VSTM2A: variants seen among roughly 807,000 people sequenced by gnomAD.
VSTM2A encodes the protein V-set and transmembrane domain containing 2A, also known as V-set and transmembrane domain-containing protein 2A.
Under a neutral mutation model 27.3 loss-of-function variants are expected in VSTM2A, and 13 were observed. That is an observed-to-expected ratio of 0.48 (90% CI 0.31 to 0.76). The LOEUF (loss-of-function observed/expected upper bound fraction) is 0.76, where lower values mean the gene tolerates loss of function less well. Ranked by LOEUF, VSTM2A falls within the 30% of genes least tolerant of loss-of-function variation. The pLI is 0.05. For missense variants in VSTM2A, 280 were observed against 310.0 expected (o/e 0.90, Z 0.73); for synonymous variants, 142 against 125.7 (o/e 1.13, Z -0.87).
rs1184883358 is a variant in VSTM2A, at chr7:54,546,679, G to GCCGGGACAGCGCCGGGACAGCC, written c.247-257_247-236dup. On this transcript the variant is annotated intron_variant, in intron 2 of 4. Transcript: ENST00000402613. ...GCAGCATCCGCGCGGCAGGGACAGC[G>GCCGGGACAGCGCCGGGACAGCC]CCGGGACAGCGCCGGGACAGCCCCG... The GCCGGGACAGCGCCGGGACAGCC allele has an allele frequency of 5.4e-5, 14 of 259,798 alleles. 1 individual carries two copies. The highest frequency in any genetic ancestry group is 2.1e-4 in the South Asian group (3 of 14,002). 16.1% of individuals were successfully genotyped at this position (259,798 alleles called of 1,614,324 possible). A position where few individuals can be genotyped will look rare whatever the true frequency, so the allele number is the denominator to read the frequency against.
At position 54,542,698 on chromosome 7, in the gene VSTM2A, G is replaced by A; in HGVS notation, c.-33G>A. 6.2e-7 allele frequency: 1 copy of A among 1,605,830 alleles called. No homozygotes were observed. Among genetic ancestry groups the A allele is most frequent in the Non-Finnish European group, 8.5e-7 (1 of 1,173,894 alleles). On this transcript the variant is annotated 5_prime_UTR_variant, in exon 1 of 5. Coordinates refer to ENST00000402613, the MANE Select transcript of VSTM2A (RefSeq NM_001301009.2). ...TTCTTTCAGGGCTTTTCGGCTGTTG[G>A]CTACACTGATGTGACCCCCCTCCCT...
chr7:54,546,892 A>T, intron 2 of VSTM2A, 55 bp from the exon 3 acceptor site: 1 of 1,587,742 alleles, frequency 6.3e-7, no homozygotes. Flanking sequence ...CTCGCGTGGG[A>T]GCGGGTGGTC....
chr7:54,567,416 T>G (rs1788757619), intron 4 of VSTM2A, among the ~76,000 whole-genome samples: 1 of 152,170 alleles, frequency 6.6e-6, no homozygotes, highest in Non-Finnish European at 1.5e-5. Context: ...TGCTTTAACT[T>G]GCACATGCTG....
Position 54,570,620 on chromosome 7 carries a change from C to T in VSTM2A, c.*1401C>T, listed in dbSNP as rs2115969954. 6.6e-6 allele frequency: 1 copy of T among 152,232 alleles called. No homozygotes were observed. The highest frequency in any genetic ancestry group is 2.1e-4 in the South Asian group (1 of 4,832). 9.4% of individuals were successfully genotyped at this position (152,232 alleles called of 1,614,324 possible). On this transcript the variant is annotated 3_prime_UTR_variant, in exon 5 of 5. Transcript: ENST00000402613. Reference sequence around the variant, plus strand: ...GAATTATAATTTTAAATATTCCATTCTTATTTATGTCTTTATGATAATTCA... The same window carrying T: ...GAATTATAATTTTAAATATTCCATTTTTATTTATGTCTTTATGATAATTCA...
chr7:54,566,067 G>A (rs2687258), intron 4 of VSTM2A, among the ~76,000 whole-genome samples: 12,096 of 152,186 alleles, frequency 0.079, 626 homozygotes, highest in Non-Finnish European at 0.11. Context: ...AAAGACGGGG[G>A]AATTACAGTC....
chr7:54,567,939 A>G (rs1046431846), intron 4 of VSTM2A, among the ~76,000 whole-genome samples: 5 of 152,122 alleles, frequency 3.3e-5, no homozygotes, highest in African/African-American at 9.7e-5. Context: ...TCACTGTTGC[A>G]TTTTTTGAAA....
At chr7:54,553,908 C>T (rs1298368999) in intron 4 of VSTM2A, 1 of 1,551,286 alleles carries the variant, frequency 6.4e-7, no homozygotes. Context: ...CCACAGACCA[C>T]CTCTACTAGT....
chr7:54,545,881 A>G (rs1013389609), intron 2 of VSTM2A, among the ~76,000 whole-genome samples: 3 of 115,542 alleles, frequency 2.6e-5, no homozygotes, highest in East Asian at 3.2e-4. Context: ...GCAGAGAAGG[A>G]GAAGGGTAGA....
chr7:54,559,768 C>T (rs1005087816), intron 4 of VSTM2A: 2 of 152,078 alleles, frequency 1.3e-5, no homozygotes, highest in Non-Finnish European at 2.9e-5. Context: ...TTAAAGCATA[C>T]AGTGAACATC....
chr7:54,547,881 A>G (rs567521618), intron 3 of VSTM2A, among the ~76,000 whole-genome samples: 3 of 152,206 alleles, frequency 2.0e-5, no homozygotes, highest in African/African-American at 4.8e-5. Context: ...CTAAAAATGT[A>G]CAAATATATT....
intron 2 of VSTM2A, chr7:54,546,565 T>TGCCCGCCC (rs1554330513): frequency 0.011 from 1,477 of 139,986 alleles, 31 homozygotes; most frequent in African/African-American, 0.04. Flanking sequence ...CCCCCCCGCC[T>TGCCCGCCC]GCCCGCCCGC....
At chr7:54,552,029 C>T (rs953656197) in intron 4 of VSTM2A, 8 of 152,224 alleles carry the variant, frequency 5.3e-5, no homozygotes, top group East Asian at 1.9e-4. Flanking sequence ...TATCTCTTAG[C>T]GCTGTGATTA....
At chr7:54,563,435 T>C (rs911227110) in intron 4 of VSTM2A, among the ~76,000 whole-genome samples, 14 of 152,206 alleles carry the variant, frequency 9.2e-5, no homozygotes, top group African/African-American at 3.4e-4. Flanking sequence ...ATCATAACCA[T>C]CATCCCATCT....
At chr7:54,553,921 T>C (rs1223251020) in intron 4 of VSTM2A, 15 of 1,551,412 alleles carry the variant, frequency 9.7e-6, no homozygotes, top group Non-Finnish European at 1.2e-5. Flanking sequence ...CTACTAGTCC[T>C]TCCTTTCTTC....
intron 4 of VSTM2A, chr7:54,553,725 G>A: frequency 8.7e-7 from 1 of 1,155,536 alleles, no homozygotes; most frequent in Non-Finnish European, 1.2e-6. Flanking sequence ...AACTGACTGT[G>A]GAAGTCCCAG....
chr7:54,563,419 G>A (rs1224827774), intron 4 of VSTM2A, among the ~76,000 whole-genome samples: 4 of 152,168 alleles, frequency 2.6e-5, no homozygotes, highest in Non-Finnish European at 5.9e-5. Flanking sequence ...ATTATTAGCA[G>A]CTTCTATCAT....
In VSTM2A at chr7:54,544,578, A is replaced by G. The variant is rs754312721; in HGVS notation, c.80-44A>G. 14 of 1,611,416 alleles carry G rather than the reference A, an allele frequency of 8.7e-6. No homozygotes were observed. The East Asian group carries it at 3.1e-4, about 36-fold the overall frequency. ...GCTCTCAAGGAAAGAGACTCAGGCA[A>G]GAGGGGTGTGGATATTCCAACAGGA... On this transcript the variant is annotated intron_variant, in intron 1 of 4. Transcript: ENST00000402613.
intron 4 of VSTM2A, among the ~76,000 whole-genome samples, chr7:54,555,221 C>T (rs1367046246): frequency 6.6e-6 from 1 of 152,204 alleles, no homozygotes; most frequent in East Asian, 1.9e-4. Context: ...TCTTCACTTT[C>T]CTCATCTAAT....
chr7:54,551,620 T>C (rs150737334), intron 4 of VSTM2A: 134 of 152,322 alleles, frequency 8.8e-4, no homozygotes, highest in African/African-American at 3.1e-3. Flanking sequence ...AACACACAGG[T>C]ATATGCTAAA....
Sources: gnomAD v4.1 joint callset for allele counts (sites outside exome capture counted in the v4.1 genomes callset) on GRCh38, gnomAD v4.1.1 for gene constraint, MANE v1.5 for transcripts, NCBI Gene and HGNC (gene_info 2026-07-23, HGNC 2026-07-21) for gene names.